PDP1: variants seen among roughly 807,000 people sequenced by gnomAD.
The protein encoded by PDP1 is pyruvate dehydrogenase phosphatase catalytic subunit 1.
Under a neutral mutation model 37.1 loss-of-function variants are expected in PDP1, and 14 were observed. The observed-to-expected ratio is 0.38, with a 90% CI of 0.25 to 0.59. The LOEUF is 0.59. Ranked by LOEUF, PDP1 falls within the 20% of genes least tolerant of loss-of-function variation. The probability of loss-of-function intolerance (pLI) is 0.67; values close to 1 mark genes in which losing one functional copy is unlikely to be tolerated. For missense variants in PDP1, 544 were observed against 655.3 expected, an observed-to-expected ratio of 0.83 and a Z score of 1.85; for synonymous variants, 251 against 243.3, an observed-to-expected ratio of 1.03 and a Z score of -0.29.
Position 93,923,179 on chromosome 8 carries a change from G to A in PDP1, c.1120G>A (p.Asp374Asn). 6.2e-7 allele frequency: 1 copy of A among 1,614,168 alleles called. No homozygotes were observed. ...AAAGAGAGTGATAGAATCTGGCCCAGACCAGTTGAATGACAATGAATATAC... is the reference window on the plus strand; with the variant it reads ...AAAGAGAGTGATAGAATCTGGCCCAAACCAGTTGAATGACAATGAATATAC... ...LQKRVIESGP[D>N]QLNDNEYTKF... The change falls in exon 2 of 2, where the codon GAC becomes AAC. Residue 374 changes from aspartate (D) to asparagine (N), a missense_variant. Transcript: ENST00000297598. This position sits in a 1 kb window ranked among gnomAD's most constrained non-coding sequence, Gnocchi z 4.3.
At position 93,921,902 on chromosome 8, in the gene PDP1, A is replaced by G. The variant is rs116698141; in HGVS notation, c.-44-114A>G. The G allele has an allele frequency of 1.7e-3, 1,205 of 704,582 alleles. 9 individuals are homozygous for G. The African/African-American group carries it at 0.019, about 11-fold the overall frequency. 43.6% of individuals were successfully genotyped at this position (704,582 alleles called of 1,614,324 possible). A position where few individuals can be genotyped will look rare whatever the true frequency, so the allele number is the denominator to read the frequency against. ...GTATAAAATGTAGTACCTTCTAGCAAAGGCTTAACATGTAGATTGACTTGC... is the reference window on the plus strand; with the variant it reads ...GTATAAAATGTAGTACCTTCTAGCAGAGGCTTAACATGTAGATTGACTTGC... On this transcript the variant is annotated intron_variant, in intron 1 of 1. Coordinates refer to ENST00000297598, the MANE Select transcript of PDP1 (RefSeq NM_018444.4).
At position 93,922,254 on chromosome 8, in the gene PDP1, C is replaced by T. The variant is rs375147234; in HGVS notation, c.195C>T (p.Tyr65=). Residue 65 remains tyrosine (Y), a synonymous_variant, in exon 2 of 2, where the codon TAC becomes TAT. Coordinates refer to ENST00000297598, the MANE Select transcript of PDP1 (RefSeq NM_018444.4). The surrounding 1 kb of genome is among the most constrained non-coding windows in gnomAD (Gnocchi z 4.0). ...GGCCAAAGGAGAACTGGTGGCAGTA[C>T]ACCCAAGGAAGGAGATATGCTTCCA... ...FCRPKENWWQ[Y]TQGRRYASTP... The T allele has an allele frequency of 6.2e-7, 1 of 1,614,078 alleles. No individual in the cohort carries two copies. Among genetic ancestry groups the T allele is most frequent in the Non-Finnish European group, 8.5e-7 (1 of 1,180,008 alleles).
Position 93,924,389 on chromosome 8 carries a change from G to T in PDP1, c.*716G>T, listed in dbSNP as rs1445517830. The T allele has an allele frequency of 6.0e-6, 1 of 166,922 alleles. No homozygotes were observed. Among genetic ancestry groups the T allele is most frequent in the African/African-American group, 2.4e-5 (1 of 41,422 alleles). The allele number at this position is 166,922 out of a possible 1,614,324, so 10.3% of individuals were successfully genotyped here. A position where few individuals can be genotyped will look rare whatever the true frequency, so the allele number is the denominator to read the frequency against. On this transcript the variant is annotated 3_prime_UTR_variant, in exon 2 of 2. Coordinates refer to ENST00000297598, the MANE Select transcript of PDP1 (RefSeq NM_018444.4). ...TATTGAAGTTAAAGAAAGAAAAAAA[G>T]ATTTTTTTATTTGTATTAATGAAAA...
rs1810374701 is a variant in PDP1 at position 93,924,269 on chromosome 8, TC to T, written c.*598del. 6.0e-6 allele frequency: 1 copy of T among 167,336 alleles called. No homozygotes were observed. Among genetic ancestry groups the T allele is most frequent in the African/African-American group, 2.4e-5 (1 of 41,460 alleles). The allele number at this position is 167,336 out of a possible 1,614,324, so 10.4% of individuals were successfully genotyped here. On this transcript the variant is annotated 3_prime_UTR_variant, in exon 2 of 2. Coordinates refer to ENST00000297598, the MANE Select transcript of PDP1 (RefSeq NM_018444.4). ...TGCTTCTTAAGTGGAATAACTATAC[TC>T]CGTTATCCACCCGATTTCCTAATGT...
At chr8:93,917,775 C>T (rs1463762537) in intron 1 of PDP1, 2 of 1,561,906 alleles carry the variant, frequency 1.3e-6, no homozygotes, top group East Asian at 2.4e-5. Context: ...AGACCTCGCC[C>T]CTCCTCCGCT....
chr8:93,922,343 G>A lies in PDP1; in HGVS notation c.284G>A (p.Ser95Asn), dbSNP rs368756677. The change falls in exon 2 of 2, where the codon AGT becomes AAT. Residue 95 changes from serine to asparagine, a missense_variant. Ser to Asn is a conservative substitution (Grantham distance 46, BLOSUM62 1). Transcript: ENST00000297598. The surrounding 1 kb of genome is among the most constrained non-coding windows in gnomAD (Gnocchi z 4.0). Reference sequence around the variant, plus strand: ...AGCATCCTTAAAGCTAATGAATACAGTTTCAAAGTGCCAGAATTTGACGGC... The same window carrying A: ...AGCATCCTTAAAGCTAATGAATACAATTTCAAAGTGCCAGAATTTGACGGC... The part of the protein sequence containing the change: ...VNSILKANEY[S>N]FKVPEFDGKN... The A allele has an allele frequency of 5.0e-6, 8 of 1,614,192 alleles. No individual in the cohort carries two copies. Among genetic ancestry groups the A allele is most frequent in the South Asian group, 1.1e-5 (1 of 91,090 alleles).
Position 93,923,309 on chromosome 8 carries a change from C to A in PDP1, c.1250C>A (p.Thr417Asn). ...CAGGATAAGTTTCTGGTGTTGGCTA[C>A]TGATGGGTTGTGGGAGACTATGCAT... ...RPQDKFLVLA[T>N]DGLWETMHRQ... is the part of the protein sequence containing the mutation. The change falls in exon 2 of 2, where the codon ACT becomes AAT. Residue 417 changes from threonine (T) to asparagine (N), a missense_variant. Physicochemically the swap from Thr to Asn is moderately conservative, Grantham distance 65. Coordinates refer to ENST00000297598, the MANE Select transcript of PDP1 (RefSeq NM_018444.4). The surrounding 1 kb of genome is among the most constrained non-coding windows in gnomAD (Gnocchi z 4.3). 1 of 1,614,164 alleles carries A rather than the reference C, an allele frequency of 6.2e-7. No individual in the cohort carries two copies. Among genetic ancestry groups the A allele is most frequent in the South Asian group, 1.1e-5 (1 of 91,088 alleles).
At chr8:93,917,756 G>A in intron 1 of PDP1, 1 of 1,533,846 alleles carries the variant, frequency 6.5e-7, no homozygotes, top group South Asian at 1.2e-5. Flanking sequence ...CATTCACCGG[G>A]CTGGAGCGAG....
chr8:93,919,224 A>G, intron 1 of PDP1: 1 of 633,018 alleles, frequency 1.6e-6, no homozygotes, highest in Non-Finnish European at 2.0e-6. Context: ...TCAATTACAA[A>G]AGTAGAAAAG....
chr8:93,921,168 A>T (rs2130379233), intron 1 of PDP1: 3 of 984,524 alleles, frequency 3.0e-6, no homozygotes, highest in Middle Eastern at 5.2e-4. Context: ...CATAAGCATA[A>T]AGGCATGAAT....
rs767925776 is a variant in PDP1, at chr8:93,922,669, G to A, written c.610G>A (p.Ala204Thr). The change falls in exon 2 of 2, where the codon GCA becomes ACA. Residue 204 changes from alanine (A) to threonine (T), a missense_variant. Transcript: ENST00000297598. The surrounding 1 kb of genome is among the most constrained non-coding windows in gnomAD (Gnocchi z 4.0). ...CCCCAATGATTACTTTAGTAAGGAGGCATCCAAATTGTACTTTAACAGCTT... is the reference window on the plus strand; with the variant it reads ...CCCCAATGATTACTTTAGTAAGGAGACATCCAAATTGTACTTTAACAGCTT... Reference protein sequence around the residue: ...KHPNDYFSKEASKLYFNSLRT... With the variant: ...KHPNDYFSKETSKLYFNSLRT... 10 of 1,614,022 alleles carry A rather than the reference G, an allele frequency of 6.2e-6. No homozygotes were observed. The highest frequency in any genetic ancestry group is 3.4e-6 in the Non-Finnish European group (4 of 1,180,036).
Position 93,925,713 on chromosome 8 carries a change from G to A in PDP1, c.*2040G>A, listed in dbSNP as rs931487691. The stretch of plus-strand genomic sequence containing the variant: ...GTAATTGGGTATTAGAAATCTGAAA[G>A]TACTGTCATCTAAAAGCAATTGTGA... On this transcript the variant is annotated 3_prime_UTR_variant, in exon 2 of 2. Coordinates refer to ENST00000297598, the MANE Select transcript of PDP1 (RefSeq NM_018444.4). 6.0e-6 allele frequency: 1 copy of A among 167,068 alleles called. No individual in the cohort carries two copies. The highest frequency in any genetic ancestry group is 1.5e-5 in the Non-Finnish European group (1 of 68,118). The allele number at this position is 167,068 out of a possible 1,614,324, so 10.3% of individuals were successfully genotyped here.
Position 93,924,184 on chromosome 8 carries a change from A to G in PDP1, c.*511A>G, listed in dbSNP as rs1810373052. On this transcript the variant is annotated 3_prime_UTR_variant, in exon 2 of 2. Transcript: ENST00000297598. ...AGTGGTTTTCAAATCCAGTTCTTCA[A>G]GCCATAAATGACCAAGATCCAAGCA... 1 of 168,804 alleles carries G rather than the reference A, an allele frequency of 5.9e-6. No homozygotes were observed. Among genetic ancestry groups the G allele is most frequent in the Non-Finnish European group, 1.4e-5 (1 of 69,376 alleles). 10.5% of individuals were successfully genotyped at this position (168,804 alleles called of 1,614,324 possible). A position where few individuals can be genotyped will look rare whatever the true frequency, so the allele number is the denominator to read the frequency against.
Position 93,917,677 on chromosome 8 carries a change from T to G in PDP1, c.-45+598T>G. 3 of 842,712 alleles carry G rather than the reference T, an allele frequency of 3.6e-6. No homozygotes were observed. In the Admixed American group the frequency reaches 7.9e-5, roughly 22 times the overall value. 52.2% of individuals were successfully genotyped at this position (842,712 alleles called of 1,614,324 possible). On this transcript the variant is annotated intron_variant, in intron 1 of 1. Transcript: ENST00000297598. ...TGCCTCCCCGGCGGGGTGGGTTGGTTTGGTTGGCTTCCTTGTTCTCTCCAC... is the reference window on the plus strand; with the variant it reads ...TGCCTCCCCGGCGGGGTGGGTTGGTGTGGTTGGCTTCCTTGTTCTCTCCAC...
chr8:93,924,245 GCTT>G lies in PDP1; in HGVS notation c.*576_*578del, dbSNP rs1395784719. 5.9e-6 allele frequency: 1 copy of G among 168,184 alleles called. No homozygotes were observed. Among genetic ancestry groups the G allele is most frequent in the Non-Finnish European group, 1.4e-5 (1 of 69,062 alleles). 10.4% of individuals were successfully genotyped at this position (168,184 alleles called of 1,614,324 possible). On this transcript the variant is annotated 3_prime_UTR_variant, in exon 2 of 2. Coordinates refer to ENST00000297598, the MANE Select transcript of PDP1 (RefSeq NM_018444.4). ...GTTTTTGTGATTATTTGACTGGAAT[GCTT>G]CTTAAGTGGAATAACTATACTCCGT...
chr8:93,917,831 C>T (rs1351153914), intron 1 of PDP1: 1 of 1,609,874 alleles, frequency 6.2e-7, no homozygotes, highest in Non-Finnish European at 8.5e-7. Flanking sequence ...CTCTGCCTTG[C>T]TTTCAATGGG....
chr8:93,922,191 G>A lies in PDP1; in HGVS notation c.132G>A (p.Leu44=). The change falls in exon 2 of 2, where the codon CTG becomes CTA. Residue 44 remains leucine, a synonymous_variant. Coordinates refer to ENST00000297598, the MANE Select transcript of PDP1 (RefSeq NM_018444.4). This position sits in a 1 kb window ranked among gnomAD's most constrained non-coding sequence, Gnocchi z 4.0. The stretch of plus-strand genomic sequence containing the variant: ...CATCGTACATTCCTCAGAGTCGACT[G>A]AGATACACACCTCATCCAGCATATG... ...CSSSYIPQSR[L]RYTPHPAYAT... 6.2e-7 allele frequency: 1 copy of A among 1,614,156 alleles called. No homozygotes were observed.
In PDP1 at chr8:93,922,058, C is replaced by T; in HGVS notation, c.-2C>T. On this transcript the variant is annotated 5_prime_UTR_variant, in exon 2 of 2. Transcript: ENST00000297598. This position sits in a 1 kb window ranked among gnomAD's most constrained non-coding sequence, Gnocchi z 4.0. ...TCCAGCCTGCCACTGTTCTCTGATGCCATGCCAGCACCAACTCAACTGTTT... is the reference window on the plus strand; with the variant it reads ...TCCAGCCTGCCACTGTTCTCTGATGTCATGCCAGCACCAACTCAACTGTTT... The T allele has an allele frequency of 6.2e-7, 1 of 1,606,322 alleles. No individual in the cohort carries two copies. Among genetic ancestry groups the T allele is most frequent in the South Asian group, 1.1e-5 (1 of 90,310 alleles).
intron 1 of PDP1, chr8:93,921,358 A>C (rs1810263362): frequency 1.0e-6 from 1 of 983,472 alleles, no homozygotes; most frequent in Non-Finnish European, 1.2e-6. Flanking sequence ...AAGACCATCT[A>C]CTGGGGTACA....
Sources: allele counts gnomAD v4.1 joint callset, GRCh38; gene constraint gnomAD v4.1.1; non-coding constraint Gnocchi (gnomAD v3.1); transcripts MANE v1.5; gene names NCBI Gene and HGNC (gene_info 2026-07-23, HGNC 2026-07-21).